Variants in CSMD3 observed in about 807,000 individuals in gnomAD.
The protein encoded by CSMD3 is CUB and sushi domain-containing protein 3.
CSMD3 carries 177 observed loss-of-function variants against 435.2 expected under a neutral mutation model. The ratio of observed to expected loss-of-function variants is 0.41; its 90% CI spans 0.36 to 0.46. The LOEUF is 0.46. CSMD3 is among the 20% of genes least tolerant of loss of function. The pLI is 0.34. For missense variants in CSMD3, 4,265 were observed against 4,504.6 expected (o/e 0.95, Z 1.52); for synonymous variants, 1,656 against 1,520.5 (o/e 1.09, Z -2.07).
rs139544311 is a variant in CSMD3, at chr8:112,422,273, C to T, written c.5396-13241G>A. Among the ~76,000 whole-genome samples the T allele has an allele frequency of 2.0e-3, 297 of 151,804 alleles. 1 individual carries two copies. The highest frequency in any genetic ancestry group is 6.9e-3 in the African/African-American group (285 of 41,396). The stretch of plus-strand genomic sequence containing the variant: ...TTATAAATACATTCATCCTAAATGG[C>T]CAAATTATTATTTAGTCATCATGAA... On this transcript the variant is annotated intron_variant, in intron 32 of 70. Transcript: ENST00000297405.
intron 32 of CSMD3, among the ~76,000 whole-genome samples, chr8:112,425,780 G>T (rs1337958336): frequency 6.6e-6 from 1 of 151,906 alleles, no homozygotes; most frequent in Non-Finnish European, 1.5e-5. Flanking sequence ...TATAGACTGT[G>T]AAAATTTTCT....
intron 3 of CSMD3, among the ~76,000 whole-genome samples, chr8:113,272,953 A>T (rs982331053): frequency 6.6e-6 from 1 of 152,034 alleles, no homozygotes; most frequent in Admixed American, 6.6e-5. Flanking sequence ...AATAGGGATA[A>T]TATAGTTAAC....
At chr8:113,354,329 T>C (rs780874111) in intron 1 of CSMD3, among the ~76,000 whole-genome samples, 2 of 152,216 alleles carry the variant, frequency 1.3e-5, no homozygotes, top group Non-Finnish European at 2.9e-5. Flanking sequence ...AAAAGTCAGT[T>C]ACAGGAAAGA....
In CSMD3 at chr8:113,037,624, T is replaced by C. The variant is rs1436751352; in HGVS notation, c.918-18445A>G. 2.0e-5 allele frequency among the ~76,000 whole-genome samples: 3 copies of C among 152,138 alleles called. 1 individual carries two copies. Among genetic ancestry groups the C allele is most frequent in the East Asian group, 3.9e-4 (2 of 5,192 alleles). ...CAATTTTATTTGAAAAAATGACAAA[T>C]GTATTGGTATTCTTTTAGAGATATG... On this transcript the variant is annotated intron_variant, in intron 5 of 70. Transcript: ENST00000297405.
intron 56 of CSMD3, among the ~76,000 whole-genome samples, chr8:112,291,131 A>T (rs896657314): frequency 6.6e-6 from 1 of 151,978 alleles, no homozygotes; most frequent in Non-Finnish European, 1.5e-5. Context: ...ATCTTCATGT[A>T]TTCTGAATCC....
chr8:113,385,588 A>C (rs994820203), intron 1 of CSMD3, among the ~76,000 whole-genome samples: 1 of 151,908 alleles, frequency 6.6e-6, no homozygotes, highest in Non-Finnish European at 1.5e-5. Context: ...TTTGGCATTG[A>C]CTCTTCTTGT....
intron 10 of CSMD3, among the ~76,000 whole-genome samples, chr8:112,917,019 T>C (rs2082592482): frequency 6.6e-6 from 1 of 151,948 alleles, no homozygotes; most frequent in Non-Finnish European, 1.5e-5. Context: ...AGTAGTTGTC[T>C]ATCATATAAC....
chr8:113,163,620 T>C (rs752164820), intron 4 of CSMD3, among the ~76,000 whole-genome samples: 14 of 152,068 alleles, frequency 9.2e-5, no homozygotes, highest in Non-Finnish European at 1.8e-4. Context: ...AAAAACATTA[T>C]GCTTTTGATT....
At chr8:113,084,245 A>AT (rs1476136470) in intron 5 of CSMD3, among the ~76,000 whole-genome samples, 1 of 152,140 alleles carries the variant, frequency 6.6e-6, no homozygotes, top group African/African-American at 2.4e-5. Flanking sequence ...TGATAAAAAA[A>AT]TTAGTAAAGT....
intron 1 of CSMD3, among the ~76,000 whole-genome samples, chr8:113,421,691 C>T (rs1321144240): frequency 6.6e-6 from 1 of 152,104 alleles, no homozygotes; most frequent in Non-Finnish European, 1.5e-5. Context: ...TCCTCTTCCC[C>T]TAGCCATCCT....
intron 61 of CSMD3, chr8:112,255,745 C>T (rs1331922030): frequency 3.0e-6 from 1 of 332,392 alleles, no homozygotes; most frequent in African/African-American, 2.2e-5. Flanking sequence ...TTGTTGGCTG[C>T]CAAGGTGGAG....
intron 50 of CSMD3, among the ~76,000 whole-genome samples, chr8:112,307,395 C>T (rs1453470740): frequency 6.6e-6 from 1 of 152,080 alleles, no homozygotes; most frequent in Non-Finnish European, 1.5e-5. Flanking sequence ...GTCCTCCTAC[C>T]TTCAGCCTCC....
intron 4 of CSMD3, among the ~76,000 whole-genome samples, chr8:113,117,998 T>G (rs1029186369): frequency 1.3e-5 from 2 of 152,276 alleles, no homozygotes; most frequent in African/African-American, 4.8e-5. Flanking sequence ...AGATTAGACC[T>G]TGGAATCGGA....
intron 59 of CSMD3, among the ~76,000 whole-genome samples, chr8:112,276,365 T>A (rs933131544): frequency 6.6e-6 from 1 of 152,134 alleles, no homozygotes; most frequent in Non-Finnish European, 1.5e-5. Flanking sequence ...TGTCGATGTA[T>A]CTCCCTTTCT....
intron 13 of CSMD3, among the ~76,000 whole-genome samples, chr8:112,752,161 C>A (rs1369229095): frequency 6.6e-6 from 1 of 152,160 alleles, no homozygotes; most frequent in Non-Finnish European, 1.5e-5. Context: ...ACCTTGTTGA[C>A]TATCCTCTCC....
intron 13 of CSMD3, among the ~76,000 whole-genome samples, chr8:112,777,228 T>G (rs980676194): frequency 2.0e-5 from 3 of 151,840 alleles, no homozygotes; most frequent in Non-Finnish European, 4.4e-5. Context: ...GTAAAAGCAA[T>G]ATGAAATTTT....
At chr8:112,677,783 A>G (rs909369678) in intron 16 of CSMD3, among the ~76,000 whole-genome samples, 2 of 152,042 alleles carry the variant, frequency 1.3e-5, no homozygotes, top group Non-Finnish European at 2.9e-5. Flanking sequence ...TTCTCCTGAA[A>G]TAACTACTTT....
intron 1 of CSMD3, among the ~76,000 whole-genome samples, chr8:113,316,184 C>T (rs1408104847): frequency 6.6e-6 from 1 of 152,090 alleles, no homozygotes. Flanking sequence ...AAACTCTTCA[C>T]CCAGATGTTA....
At chr8:112,279,827 G>A (rs968275492) in intron 59 of CSMD3, among the ~76,000 whole-genome samples, 1 of 152,110 alleles carries the variant, frequency 6.6e-6, no homozygotes, top group Non-Finnish European at 1.5e-5. Context: ...TAGGTTTAGT[G>A]AATATGTTCT....
Sources: allele counts gnomAD v4.1 joint callset (sites outside exome capture counted in the v4.1 genomes callset), GRCh38; gene constraint gnomAD v4.1.1; transcripts MANE v1.5; gene names NCBI Gene and HGNC (gene_info 2026-07-23, HGNC 2026-07-21).